Variants in TVP23A observed in about 807,000 individuals in gnomAD.
TVP23A encodes the protein Golgi apparatus membrane protein TVP23 homolog A.
TVP23A carries 21 observed loss-of-function variants against 31.7 expected under a neutral mutation model. That is an observed-to-expected ratio of 0.66 (90% CI 0.47 to 0.95). TVP23A has a LOEUF of 0.95. Among genes scored for constraint, TVP23A ranks in the 40% least tolerant of loss-of-function variants. The pLI is 0.00. For missense variants in TVP23A, 279 were observed against 255.6 expected (o/e 1.09, Z -0.62); for synonymous variants, 104 against 96.0 (o/e 1.08, Z -0.49).
downstream of TVP23A, chr16:10,757,892 C>T (rs1472858347): frequency 3.1e-6 from 5 of 1,614,058 alleles, no homozygotes; most frequent in East Asian, 4.5e-5. The surrounding 1 kb of genome is among the most constrained non-coding windows in gnomAD (Gnocchi z 4.1). Context: ...AGCAGTTCCT[C>T]CGAGATGTGG....
At chr16:10,761,897 G>T (rs780554079), downstream of TVP23A, 1 of 1,524,984 alleles carries the variant, frequency 6.6e-7, no homozygotes. Flanking sequence ...CTCACTCCTC[G>T]GTCAGCCCCA....
downstream of TVP23A, among the ~76,000 whole-genome samples, chr16:10,764,123 C>T (rs572591986): frequency 1.0e-4 from 15 of 150,640 alleles, no homozygotes; most frequent in South Asian, 8.4e-4. Context: ...TCTCAGCCCA[C>T]GGGAGCATCC....
rs916616120 is a variant in TVP23A at position 10,767,318 on chromosome 16, G to A, written c.*1784C>T. The A allele has an allele frequency of 3.3e-5, 13 of 399,510 alleles. No individual in the cohort carries two copies. The highest frequency in any genetic ancestry group is 7.1e-5 in the East Asian group (2 of 28,102). The allele number at this position is 399,510 out of a possible 1,614,324, so 24.7% of individuals were successfully genotyped here. On this transcript the variant is annotated 3_prime_UTR_variant, in exon 8 of 8. Coordinates refer to ENST00000299866, the MANE Select transcript of TVP23A (RefSeq NM_001079512.4). This position sits in a 1 kb window ranked among gnomAD's most constrained non-coding sequence, Gnocchi z 4.6. ...AGAGAAACCTGGGTGTGCATAGGAG[G>A]GGACTGGAACAATGGCCACATGGCG...
intron 2 of TVP23A, among the ~76,000 whole-genome samples, chr16:10,782,556 G>A (rs1320864031): frequency 2.0e-5 from 3 of 152,110 alleles, no homozygotes; most frequent in African/African-American, 7.2e-5. Context: ...AGGCTGGAGT[G>A]CAGTGGTGTG....
At chr16:10,760,421 T>C (rs1024341485), downstream of TVP23A, among the ~76,000 whole-genome samples, 3 of 152,196 alleles carry the variant, frequency 2.0e-5, no homozygotes, top group Non-Finnish European at 4.4e-5. Context: ...TATAGTATAG[T>C]ATAGGGACAT....
chr16:10,773,493 C>T (rs868295024), intron 4 of TVP23A, 52 bp from the exon 5 acceptor site: 7 of 1,534,640 alleles, frequency 4.6e-6, no homozygotes, highest in Non-Finnish European at 5.3e-6. Context: ...TGGTTGCAAA[C>T]GAGCGTGCTC....
chr16:10,808,448 A>T, intron 2 of TVP23A: 1 of 450,396 alleles, frequency 2.2e-6, no homozygotes. Flanking sequence ...CTGAGACCAC[A>T]GGACAATGAT....
At chr16:10,762,071 C>T (rs2030003780), downstream of TVP23A, 1 of 505,068 alleles carries the variant, frequency 2.0e-6, no homozygotes. Context: ...GCAAGCAGGC[C>T]TCAGGCAGAG....
intron 2 of TVP23A, among the ~76,000 whole-genome samples, chr16:10,785,627 C>G (rs1439258420): frequency 6.6e-6 from 1 of 152,172 alleles, no homozygotes; most frequent in East Asian, 1.9e-4. Context: ...ATCCTGACAA[C>G]ATGTGTCCAA....
chr16:10,771,546 A>G (rs1197198654), intron 6 of TVP23A, 124 bp downstream of exon 6: 4 of 1,296,716 alleles, frequency 3.1e-6, no homozygotes, highest in Non-Finnish European at 4.3e-6. Flanking sequence ...CAAAAAATAT[A>G]TAAACAATAA....
chr16:10,771,921 C>T lies in TVP23A; in HGVS notation c.454-123G>A, dbSNP rs141087240. 3.4e-3 allele frequency: 4,293 copies of T among 1,262,576 alleles called. 129 individuals are homozygous for T. The African/African-American group carries it at 0.055, about 16-fold the overall frequency. The allele number at this position is 1,262,576 out of a possible 1,614,324, so 78.2% of individuals were successfully genotyped here. ...GCAAGTTCCGCCTCCCGGGTTCACA[C>T]CATTCTCCTGCCTCAGCCTCCCGAG... is the stretch of plus-strand genomic sequence containing the variant. On this transcript the variant is annotated intron_variant, in intron 5 of 7. Coordinates refer to ENST00000299866, the MANE Select transcript of TVP23A (RefSeq NM_001079512.4).
chr16:10,769,233 G>A (rs987680805), intron 7 of TVP23A, 132 bp from the exon 8 acceptor site: 10 of 718,754 alleles, frequency 1.4e-5, no homozygotes, highest in Admixed American at 5.1e-5. Flanking sequence ...GGTGTGGTCC[G>A]AAGCCACTTT....
chr16:10,774,830 G>C (rs1256769549), intron 3 of TVP23A, 122 bp downstream of exon 3: 1 of 808,016 alleles, frequency 1.2e-6, no homozygotes, highest in Non-Finnish European at 1.9e-6. Flanking sequence ...ACTTTTAAGT[G>C]ACACTGCTCA....
chr16:10,774,121 G>C lies in TVP23A; in HGVS notation c.242C>G (p.Thr81Ser). 6.2e-7 allele frequency: 1 copy of C among 1,608,172 alleles called. No individual in the cohort carries two copies. The highest frequency in any genetic ancestry group is 8.5e-7 in the Non-Finnish European group (1 of 1,177,202). The change falls in exon 4 of 8, where the codon ACC becomes AGC. Residue 81 changes from threonine (T) to serine (S), a missense_variant. Coordinates refer to ENST00000299866, the MANE Select transcript of TVP23A (RefSeq NM_001079512.4). ...TCGAAGGCCCACCAGGAGTCTTCCG[G>C]TTACATTCTGAGAACAATAGACAAA... ...SLDFWSVKNV[T>S]GRLLVGLRWW... is the part of the protein sequence containing the mutation.
At chr16:10,799,655 C>T (rs1339627932) in intron 2 of TVP23A, among the ~76,000 whole-genome samples, 2 of 152,160 alleles carry the variant, frequency 1.3e-5, no homozygotes, top group South Asian at 2.1e-4. Context: ...TTTAACTCTG[C>T]ATAAGGTATG....
In TVP23A at chr16:10,767,455, T is replaced by C; in HGVS notation, c.*1647A>G. On this transcript the variant is annotated 3_prime_UTR_variant, in exon 8 of 8. Transcript: ENST00000299866. This position sits in a 1 kb window ranked among gnomAD's most constrained non-coding sequence, Gnocchi z 4.6. ...GTGTCATGTGCTCCCATTCGTATTT[T>C]AGGTATATGAGAGTGTGTGTATGTG... is the stretch of plus-strand genomic sequence containing the variant. 2.5e-6 allele frequency: 1 copy of C among 397,676 alleles called. No homozygotes were observed. The highest frequency in any genetic ancestry group is 4.4e-6 in the Non-Finnish European group (1 of 226,422). 24.6% of individuals were successfully genotyped at this position (397,676 alleles called of 1,614,324 possible).
chr16:10,786,469 A>G (rs1036086542), intron 2 of TVP23A, among the ~76,000 whole-genome samples: 1 of 151,792 alleles, frequency 6.6e-6, no homozygotes, highest in African/African-American at 2.4e-5. Context: ...TGAAAACTGT[A>G]CTCCTTTTTT....
At chr16:10,788,717 AC>A (rs1291138841) in intron 2 of TVP23A, among the ~76,000 whole-genome samples, 2 of 152,138 alleles carry the variant, frequency 1.3e-5, no homozygotes, top group African/African-American at 4.8e-5. Flanking sequence ...GGAAAGGGAG[AC>A]AGTATGTCAT....
chr16:10,799,048 G>A (rs2033559882), intron 2 of TVP23A, among the ~76,000 whole-genome samples: 1 of 152,146 alleles, frequency 6.6e-6, no homozygotes. Context: ...ATGTTGAGAG[G>A]CCCACATGGC....
Sources: gnomAD v4.1 joint callset for allele counts (sites outside exome capture counted in the v4.1 genomes callset) on GRCh38, gnomAD v4.1.1 for gene constraint, Gnocchi (gnomAD v3.1) non-coding constraint, MANE v1.5 for transcripts, NCBI Gene and HGNC (gene_info 2026-07-23, HGNC 2026-07-21) for gene names.